The following CMIP variants were observed in gnomAD, a reference collection of about 807,000 sequenced individuals.
The protein encoded by CMIP is c-Maf inducing protein, also known as C-Maf-inducing protein.
Under a neutral mutation model 97.3 loss-of-function variants are expected in CMIP, and 13 were observed. That is an observed-to-expected ratio of 0.13 (90% CI 0.09 to 0.21). The LOEUF is 0.21. Among genes scored for constraint, CMIP ranks in the 10% least tolerant of loss-of-function variants. CMIP has a pLI of 1.00. For synonymous variants in CMIP, 538 were observed against 436.3 expected (o/e 1.23, Z -2.91); for missense variants, 847 against 1,024.9 (o/e 0.83, Z 2.37).
chr16:81,576,124 C>G (rs1348100073), intron 1 of CMIP, among the ~76,000 whole-genome samples: 1 of 152,142 alleles, frequency 6.6e-6, no homozygotes, highest in Non-Finnish European at 1.5e-5. Flanking sequence ...AAGAATGCGT[C>G]TAGGCGCAGT....
chr16:81,465,569 T>C (rs531304164), intron 1 of CMIP, among the ~76,000 whole-genome samples: 1 of 152,368 alleles, frequency 6.6e-6, no homozygotes, highest in Non-Finnish European at 1.5e-5. Flanking sequence ...TGGTTAGTGC[T>C]CAATAAGTAT....
At chr16:81,500,911 C>G (rs2089598275) in intron 1 of CMIP, among the ~76,000 whole-genome samples, 1 of 152,146 alleles carries the variant, frequency 6.6e-6, no homozygotes, top group Non-Finnish European at 1.5e-5. Flanking sequence ...TTGAAGTCCT[C>G]ACGAGTTGAA....
chr16:81,468,419 T>C (rs1002112660), intron 1 of CMIP, among the ~76,000 whole-genome samples: 1 of 152,204 alleles, frequency 6.6e-6, no homozygotes, highest in East Asian at 1.9e-4. Context: ...TGCGGGTAAA[T>C]TGAGGGCAAG....
intron 9 of CMIP, 48 bp from the exon 10 acceptor site, chr16:81,678,227 C>A (rs1198998499): frequency 1.4e-6 from 2 of 1,428,176 alleles, no homozygotes; most frequent in Non-Finnish European, 1.9e-6. Context: ...CATGGTGCAT[C>A]ATGAACGGTG....
Position 81,678,485 on chromosome 16 carries a change from G to T in CMIP, c.1245G>T (p.Ala415=), listed in dbSNP as rs766858555. ...AACGCACCAGCACTGCCAAGCCGGC[G>T]CTGACGGCCAGCGCAGGCAACGACA... is the stretch of plus-strand genomic sequence containing the variant. ...EVERTSTAKP[A]LTASAGNDSE... is the part of the protein sequence containing the mutation. The change falls in exon 10 of 21, where the codon GCG becomes GCT. Residue 415 remains alanine (A), a synonymous_variant. Coordinates refer to ENST00000537098, the MANE Select transcript of CMIP (RefSeq NM_198390.3). The T allele has an allele frequency of 2.0e-5, 32 of 1,597,032 alleles. No individual in the cohort carries two copies. Among genetic ancestry groups the T allele is most frequent in the Non-Finnish European group, 2.7e-5 (32 of 1,172,744 alleles).
chr16:81,568,712 A>T (rs2091028876), intron 1 of CMIP, among the ~76,000 whole-genome samples: 1 of 152,238 alleles, frequency 6.6e-6, no homozygotes, highest in Non-Finnish European at 1.5e-5. Flanking sequence ...TCAAGAAGAC[A>T]GAAACCACAA....
intron 1 of CMIP, chr16:81,603,373 C>T (rs1240168311): frequency 1.8e-5 from 8 of 454,198 alleles, no homozygotes; most frequent in East Asian, 6.9e-5. Flanking sequence ...TGAGCCACCG[C>T]GCCCGGCCTT....
intron 3 of CMIP, among the ~76,000 whole-genome samples, chr16:81,622,624 A>T (rs890730345): frequency 6.6e-6 from 1 of 152,166 alleles, no homozygotes; most frequent in Non-Finnish European, 1.5e-5. Flanking sequence ...ACTTGGAGAC[A>T]CACTGCCTAC....
intron 1 of CMIP, among the ~76,000 whole-genome samples, chr16:81,471,994 A>C (rs1907587357): frequency 6.6e-6 from 1 of 152,228 alleles, no homozygotes; most frequent in East Asian, 1.9e-4. Context: ...GTGAAACCTC[A>C]GCTCAGGGGG....
At chr16:81,595,034 G>GTCTCTCTCTCTCTCTCTCTC (rs60887695) in intron 1 of CMIP, among the ~76,000 whole-genome samples, 8 of 145,716 alleles carry the variant, frequency 5.5e-5, no homozygotes, top group African/African-American at 2.0e-4. Context: ...ATATCATGTG[G>GTCTCTCTCTCTCTCTCTCTC]TCTCTCTCTC....
rs377643471 is a variant in CMIP, at chr16:81,602,223, A to G, written c.301-5344A>G. Reference sequence around the variant, plus strand: ...AGTTCTGGAGCTTGCCATTCAGAGCAGGGACATCTATGTGCGATAATGTGG... The same window carrying G: ...AGTTCTGGAGCTTGCCATTCAGAGCGGGGACATCTATGTGCGATAATGTGG... On this transcript the variant is annotated intron_variant, in intron 1 of 20. Coordinates refer to ENST00000537098, the MANE Select transcript of CMIP (RefSeq NM_198390.3). Among the ~76,000 whole-genome samples, 14 of 152,256 alleles carry G rather than the reference A, an allele frequency of 9.2e-5. No homozygotes were observed. The East Asian group carries it at 2.7e-3, about 29-fold the overall frequency.
chr16:81,557,224 A>G (rs1291816588), intron 1 of CMIP, among the ~76,000 whole-genome samples: 5 of 152,228 alleles, frequency 3.3e-5, no homozygotes, highest in Admixed American at 3.3e-4. Flanking sequence ...CACCTCCCCC[A>G]CGAGATCATG....
chr16:81,657,936 G>A (rs890240687), intron 5 of CMIP, 120 bp downstream of exon 5: 14 of 807,484 alleles, frequency 1.7e-5, no homozygotes, highest in South Asian at 7.6e-5. Flanking sequence ...GCCTTGCTCC[G>A]TTTTGTCTTT....
At chr16:81,664,538 A>G in intron 7 of CMIP, 189 bp downstream of exon 7, 1 of 570,582 alleles carries the variant, frequency 1.8e-6, no homozygotes, top group Non-Finnish European at 3.1e-6. Flanking sequence ...CATTACGGCA[A>G]CAGGAAGAAT....
intron 1 of CMIP, among the ~76,000 whole-genome samples, chr16:81,601,522 C>A (rs1041615038): frequency 5.3e-5 from 8 of 152,086 alleles, no homozygotes; most frequent in African/African-American, 1.9e-4. Context: ...TCACATGGGA[C>A]CCTCATGAGG....
intron 2 of CMIP, among the ~76,000 whole-genome samples, chr16:81,608,054 C>G (rs1437649458): frequency 6.6e-6 from 1 of 152,164 alleles, no homozygotes; most frequent in Admixed American, 6.5e-5. Flanking sequence ...AGCAGATGAG[C>G]AATAGATACT....
chr16:81,701,826 C>T (rs760871828), intron 16 of CMIP, 26 bp downstream of exon 16: 1 of 1,612,364 alleles, frequency 6.2e-7, no homozygotes, highest in South Asian at 1.1e-5. Flanking sequence ...CTCCGGACCA[C>T]TCCCCTGCCC....
At chr16:81,709,701 A>G in intron 20 of CMIP, 45 bp from the exon 21 acceptor site, 2 of 1,609,662 alleles carry the variant, frequency 1.2e-6, no homozygotes, top group Admixed American at 3.3e-5. Flanking sequence ...AGCTTCTGCA[A>G]GGGAATGGCC....
chr16:81,457,366 T>A (rs1156536539), intron 1 of CMIP, among the ~76,000 whole-genome samples: 1 of 151,916 alleles, frequency 6.6e-6, no homozygotes, highest in East Asian at 1.9e-4. Flanking sequence ...ACGACAATCT[T>A]ACAAAATCAA....
Sources: allele counts gnomAD v4.1 joint callset (sites outside exome capture counted in the v4.1 genomes callset), GRCh38; gene constraint gnomAD v4.1.1; transcripts MANE v1.5; gene names NCBI Gene and HGNC (gene_info 2026-07-23, HGNC 2026-07-21).